The following HELQ variants were observed in gnomAD, a reference collection of about 807,000 sequenced individuals.
The protein encoded by HELQ is helicase POLQ-like.
HELQ carries 77 observed loss-of-function variants against 111.6 expected under a neutral mutation model. The observed-to-expected ratio is 0.69, with a 90% CI of 0.57 to 0.83. HELQ has a LOEUF of 0.83. Ranked by LOEUF, HELQ falls within the 40% of genes least tolerant of loss-of-function variation. The pLI is 0.00. For missense variants in HELQ, 1,200 were observed against 1,288.5 expected (o/e 0.93, Z 1.05); for synonymous variants, 438 against 454.7 (o/e 0.96, Z 0.47).
At chr4:83,413,978 C>G (rs150307831) in intron 17 of HELQ, among the ~76,000 whole-genome samples, 4 of 152,304 alleles carry the variant, frequency 2.6e-5, no homozygotes, top group African/African-American at 9.6e-5. Flanking sequence ...CTGCACCCCT[C>G]CAGAATTCCT....
intron 9 of HELQ, among the ~76,000 whole-genome samples, chr4:83,436,080 TA>T (rs1720441936): frequency 6.6e-6 from 1 of 152,102 alleles, no homozygotes; most frequent in Admixed American, 6.5e-5. Context: ...ATATTTGAAG[TA>T]AACCTTTGTA....
At chr4:83,455,258 G>A (rs752540644) in intron 1 of HELQ, 139 bp downstream of exon 1, 100 of 1,489,514 alleles carry the variant, frequency 6.7e-5, no homozygotes, top group Non-Finnish European at 8.4e-5. Context: ...AAATAACAAG[G>A]CAATCAATAC....
In HELQ at chr4:83,447,239, T is replaced by C. The variant is rs186593177; in HGVS notation, c.1192-204A>G. On this transcript the variant is annotated intron_variant, in intron 3 of 17. Coordinates refer to ENST00000295488, the MANE Select transcript of HELQ (RefSeq NM_133636.5). ...GCACAGGCCTGTAGTCTCAGCTACT[T>C]GGGAAGCTGAGGTGGGAGGACTGCC... 7.0e-4 allele frequency among the ~76,000 whole-genome samples: 106 copies of C among 152,166 alleles called. 1 individual carries two copies. Among genetic ancestry groups the C allele is most frequent in the African/African-American group, 2.4e-3 (100 of 41,526 alleles).
At chr4:83,417,915 C>G (rs554033514) in intron 16 of HELQ, among the ~76,000 whole-genome samples, 178 bp downstream of exon 16, 27 of 151,914 alleles carry the variant, frequency 1.8e-4, no homozygotes, top group Admixed American at 6.5e-5. Flanking sequence ...CATCTAGTAA[C>G]AGCGGATTTC....
In HELQ at chr4:83,423,996, A is replaced by C. The variant is rs570831877; in HGVS notation, c.2775+1998T>G. ...GTGGGGGGCCTCTTTTTCAATGTGGAGAAATCAATTAGATTTTAAGTATTT... is the reference window on the plus strand; with the variant it reads ...GTGGGGGGCCTCTTTTTCAATGTGGCGAAATCAATTAGATTTTAAGTATTT... On this transcript the variant is annotated intron_variant, in intron 14 of 17. Transcript: ENST00000295488. 1.6e-3 allele frequency among the ~76,000 whole-genome samples: 245 copies of C among 152,266 alleles called. 1 individual carries two copies. Among genetic ancestry groups the C allele is most frequent in the African/African-American group, 5.6e-3 (231 of 41,562 alleles).
chr4:83,427,470 C>T, intron 13 of HELQ, 93 bp downstream of exon 13: 1 of 1,069,862 alleles, frequency 9.3e-7, no homozygotes, highest in Non-Finnish European at 1.3e-6. Flanking sequence ...GCCTGGGCAA[C>T]ATGGCAAAGC....
At chr4:83,428,250 T>C (rs1428725554) in intron 12 of HELQ, among the ~76,000 whole-genome samples, 1 of 151,162 alleles carries the variant, frequency 6.6e-6, no homozygotes, top group African/African-American at 2.4e-5. Flanking sequence ...AAACTGGTAG[T>C]AGTAGCTCCT....
intron 13 of HELQ, 61 bp downstream of exon 13, chr4:83,427,502 A>C (rs1719907250): frequency 1.9e-5 from 26 of 1,368,762 alleles, no homozygotes; most frequent in Middle Eastern, 1.9e-4. Flanking sequence ...AAAACAAAAC[A>C]AAACAGCATG....
chr4:83,453,940 A>T lies in HELQ; in HGVS notation c.303T>A (p.Asn101Lys). The change falls in exon 2 of 18, where the codon AAT (asparagine) becomes AAA (lysine). Residue 101 changes from asparagine (N) to lysine (K), a missense_variant. Asn to Lys is a moderately conservative substitution (Grantham distance 94). Around this residue, in one of 3 missense-constraint regions of HELQ, gnomAD observed 610 missense variants for 607.1 expected, o/e 1.00. Transcript: ENST00000295488. ...PTDRGVGDQP[N>K]DSEVDMFGDY... ...CACCAAACATGTCCACTTCACTGTCATTAGGCTGCAAAGAGAACAAAAACG... is the reference window on the plus strand; with the variant it reads ...CACCAAACATGTCCACTTCACTGTCTTTAGGCTGCAAAGAGAACAAAAACG... 6.3e-7 allele frequency: 1 copy of T among 1,588,810 alleles called. No individual in the cohort carries two copies. The highest frequency in any genetic ancestry group is 8.6e-7 in the Non-Finnish European group (1 of 1,162,026).
intron 3 of HELQ, among the ~76,000 whole-genome samples, chr4:83,448,182 C>G (rs1341007858): frequency 6.6e-6 from 1 of 151,890 alleles, no homozygotes; most frequent in Non-Finnish European, 1.5e-5. Context: ...TGCACTCCAG[C>G]CTGGGCGACA....
At position 83,421,673 on chromosome 4, in the gene HELQ, C is replaced by T; in HGVS notation, c.2839G>A (p.Glu947Lys). The T allele has an allele frequency of 6.2e-7, 1 of 1,613,634 alleles. No homozygotes were observed. Among genetic ancestry groups the T allele is most frequent in the South Asian group, 1.1e-5 (1 of 91,078 alleles). ...LSFVLYTLLK[E>K]TNIWTVSEKF... ...TCAGATACAGTCCAAATGTTGGTCT[C>T]TTTGAGCAAGGTATAAAGAACAAAA... Residue 947 changes from glutamate (E) to lysine (K), a missense_variant, in exon 15 of 18, where the codon GAG (glutamate) becomes AAG (lysine). By Grantham distance (56) the Glu-to-Lys change is moderately conservative. Coordinates refer to ENST00000295488, the MANE Select transcript of HELQ (RefSeq NM_133636.5).
intron 17 of HELQ, among the ~76,000 whole-genome samples, chr4:83,412,631 GC>G (rs1739164545): frequency 6.6e-6 from 1 of 152,184 alleles, no homozygotes. Flanking sequence ...TTCAAGACCA[GC>G]CTGGGCAACA....
intron 4 of HELQ, 81 bp from the exon 5 acceptor site, chr4:83,446,167 ATTTG>A (rs1393684559): frequency 3.1e-6 from 3 of 966,412 alleles, no homozygotes; most frequent in East Asian, 4.8e-5. Context: ...TTCATATGAA[ATTTG>A]TTTGTAAAGA....
rs748154508 is a variant in HELQ, at chr4:83,418,228, A to G, written c.2950-22T>C. 4 of 1,360,334 alleles carry G rather than the reference A, an allele frequency of 2.9e-6. No homozygotes were observed. The African/African-American group carries it at 5.9e-5, about 20-fold the overall frequency. The allele number at this position is 1,360,334 out of a possible 1,614,324, so 84.3% of individuals were successfully genotyped here. A position where few individuals can be genotyped will look rare whatever the true frequency, so the allele number is the denominator to read the frequency against. On this transcript the variant is annotated intron_variant, in intron 15 of 17. Coordinates refer to ENST00000295488, the MANE Select transcript of HELQ (RefSeq NM_133636.5). ...GCTCCTGTAGAACACAAAGAAATAT[A>G]TAAAATTTAAATTTTGTAAGTTATT... is the stretch of plus-strand genomic sequence containing the variant.
chr4:83,447,616 T>C (rs1265430656), intron 3 of HELQ, among the ~76,000 whole-genome samples: 1 of 152,184 alleles, frequency 6.6e-6, no homozygotes, highest in East Asian at 1.9e-4. Flanking sequence ...CTCAGCATTT[T>C]AGGAGGCTGA....
At chr4:83,419,743 T>G (rs946302749) in intron 15 of HELQ, among the ~76,000 whole-genome samples, 2 of 152,150 alleles carry the variant, frequency 1.3e-5, no homozygotes, top group East Asian at 3.9e-4. Flanking sequence ...AAGGCTAGCT[T>G]CTTCTTATTA....
At chr4:83,410,824 C>T (rs188673101) in intron 17 of HELQ, among the ~76,000 whole-genome samples, 5 of 151,950 alleles carry the variant, frequency 3.3e-5, no homozygotes, top group African/African-American at 1.2e-4. Flanking sequence ...CATGTGAATC[C>T]TCCCCCTCAG....
Position 83,423,780 on chromosome 4 carries a change from G to A in HELQ, c.2776-2044C>T, listed in dbSNP as rs187229166. On this transcript the variant is annotated intron_variant, in intron 14 of 17. Coordinates refer to ENST00000295488, the MANE Select transcript of HELQ (RefSeq NM_133636.5). ...ACAAAAATTAGCTGTATATGATGGC[G>A]GGCACCTGCAATCCCAGCTACTTGG... Among the ~76,000 whole-genome samples, 481 of 152,054 alleles carry A rather than the reference G, an allele frequency of 3.2e-3. 4 individuals carry two copies. Among genetic ancestry groups the A allele is most frequent in the African/African-American group, 9.6e-3 (398 of 41,444 alleles).
intron 6 of HELQ, 96 bp downstream of exon 6, chr4:83,443,421 C>T (rs1296728731): frequency 1.7e-6 from 1 of 572,180 alleles, no homozygotes; most frequent in Non-Finnish European, 3.1e-6. Context: ...CCCTTCACTA[C>T]TCTACAGAAT....
Sources: allele counts gnomAD v4.1 joint callset (sites outside exome capture counted in the v4.1 genomes callset), GRCh38; gene constraint gnomAD v4.1.1; regional missense constraint gnomAD v4.1.1; transcripts MANE v1.5; gene names NCBI Gene and HGNC (gene_info 2026-07-23, HGNC 2026-07-21).